The following HDX variants were observed in gnomAD, a reference collection of about 807,000 sequenced individuals.
The protein encoded by HDX is chromosome X open reading frame 43.
In HDX, 19 loss-of-function variants were observed where a neutral mutation model predicts 45.2. That is an observed-to-expected ratio of 0.42 (90% CI 0.29 to 0.62). The LOEUF is 0.62. Among genes scored for constraint, HDX ranks in the 20% least tolerant of loss-of-function variants. The pLI, the probability that HDX is intolerant of heterozygous loss-of-function variation, is 0.20. For synonymous variants in HDX, 188 were observed against 172.8 expected (o/e 1.09, Z -0.69); for missense variants, 532 against 493.9 (o/e 1.08, Z -0.73).
chrX:84,436,318 A>G (rs889578074), intron 5 of HDX, among the ~76,000 whole-genome samples: 2 of 102,502 alleles, frequency 2.0e-5, no homozygotes, highest in African/African-American at 3.5e-5. Flanking sequence ...TGGGAGATAT[A>G]CCTAATGCTA....
intron 4 of HDX, among the ~76,000 whole-genome samples, chrX:84,464,853 C>T (rs1361255461): frequency 4.5e-5 from 5 of 111,772 alleles, no homozygotes; most frequent in Non-Finnish European, 9.4e-5. Context: ...AGAGCTTCTG[C>T]ACAGCAAAAG....
intron 4 of HDX, among the ~76,000 whole-genome samples, chrX:84,455,776 T>A (rs2040099417): frequency 9.0e-6 from 1 of 111,668 alleles, no homozygotes; most frequent in African/African-American, 3.3e-5. Context: ...AGACATTTAA[T>A]AATCAAGCTC....
intron 4 of HDX, among the ~76,000 whole-genome samples, chrX:84,466,759 A>G (rs1268902243): frequency 8.9e-6 from 1 of 111,802 alleles, no homozygotes; most frequent in Non-Finnish European, 1.9e-5. Flanking sequence ...GCTGTATGGT[A>G]AAGCAGAAAA....
At chrX:84,401,869 G>A (rs151096824) in intron 5 of HDX, among the ~76,000 whole-genome samples, 171 of 111,727 alleles carry the variant, frequency 1.5e-3, no homozygotes, top group African/African-American at 5.2e-3. Context: ...TGAAATACAT[G>A]CAGGCATAAA....
At chrX:84,461,818 A>G (rs1227350246) in intron 4 of HDX, among the ~76,000 whole-genome samples, 1 of 112,386 alleles carries the variant, frequency 8.9e-6, no homozygotes, top group Non-Finnish European at 1.9e-5. Flanking sequence ...ACAACTCTAT[A>G]AGAAAAAAAT....
At chrX:84,421,824 G>A (rs1030622349) in intron 5 of HDX, among the ~76,000 whole-genome samples, 16 of 110,447 alleles carry the variant, frequency 1.4e-4, no homozygotes, top group Non-Finnish European at 2.5e-4. Flanking sequence ...AGACAAAGAA[G>A]GTCACTATAT....
At chrX:84,347,935 A>G (rs1162297067) in intron 6 of HDX, among the ~76,000 whole-genome samples, 1 of 109,410 alleles carries the variant, frequency 9.1e-6, no homozygotes, top group East Asian at 2.9e-4. Context: ...AGTTTTTTTT[A>G]TTGTTTGTTT....
chrX:84,418,227 C>T (rs772724708), intron 5 of HDX, among the ~76,000 whole-genome samples: 23 of 111,526 alleles, frequency 2.1e-4, no homozygotes, highest in Non-Finnish European at 3.6e-4. Context: ...ATCAAATGAA[C>T]GAACTAAATC....
At chrX:84,458,393 T>C (rs1433213293) in intron 4 of HDX, among the ~76,000 whole-genome samples, 5 of 112,125 alleles carry the variant, frequency 4.5e-5, no homozygotes, top group Non-Finnish European at 9.4e-5. Context: ...AGGTGAAATG[T>C]ACCTATGAAC....
intron 4 of HDX, among the ~76,000 whole-genome samples, chrX:84,455,325 A>G (rs2040090382): frequency 8.9e-6 from 1 of 112,102 alleles, no homozygotes; most frequent in Non-Finnish European, 1.9e-5. Context: ...TCAAGATAAC[A>G]CACAGAAGAC....
chrX:84,400,026 A>T (rs766728970), intron 5 of HDX, among the ~76,000 whole-genome samples: 1 of 111,691 alleles, frequency 9.0e-6, no homozygotes, highest in African/African-American at 3.2e-5. Context: ...TTCATGTTAA[A>T]AACTCTTAAT....
chrX:84,368,414 T>G (rs755303726), intron 5 of HDX, among the ~76,000 whole-genome samples: 37 of 111,681 alleles, frequency 3.3e-4, no homozygotes, highest in Non-Finnish European at 6.4e-4. Context: ...TTACAAAATT[T>G]TATGCTCCAT....
At chrX:84,349,401 A>G (rs865780441) in intron 6 of HDX, among the ~76,000 whole-genome samples, 35 of 88,132 alleles carry the variant, frequency 4.0e-4, no homozygotes, top group Non-Finnish European at 5.2e-4. Context: ...TTATATATAT[A>G]TATGTGTGTG....
chrX:84,386,810 T>C (rs1401608946), intron 5 of HDX, among the ~76,000 whole-genome samples: 1 of 112,066 alleles, frequency 8.9e-6, no homozygotes, highest in Non-Finnish European at 1.9e-5. Flanking sequence ...TTTCACAATC[T>C]TTTATATGGA....
intron 5 of HDX, among the ~76,000 whole-genome samples, chrX:84,429,897 A>C (rs755215536): frequency 8.1e-5 from 9 of 110,832 alleles, no homozygotes; most frequent in Non-Finnish European, 1.3e-4. Context: ...GTATATTTAA[A>C]TAGACAAATA....
At chrX:84,433,152 A>G (rs1306914794) in intron 5 of HDX, among the ~76,000 whole-genome samples, 1 of 111,523 alleles carries the variant, frequency 9.0e-6, no homozygotes, top group East Asian at 2.8e-4. Flanking sequence ...TTGCTTTGCT[A>G]TGCAGAGACG....
chrX:84,382,172 T>G (rs1364367600), intron 5 of HDX, among the ~76,000 whole-genome samples: 1 of 111,576 alleles, frequency 9.0e-6, no homozygotes, highest in African/African-American at 3.3e-5. Flanking sequence ...CTAAAGTGGC[T>G]TGTATCCAAA....
chrX:84,327,065 G>C (rs2036729646), intron 9 of HDX, among the ~76,000 whole-genome samples: 1 of 111,894 alleles, frequency 8.9e-6, no homozygotes, highest in African/African-American at 3.2e-5. Flanking sequence ...AAATTACTAA[G>C]ATTGTCTTAA....
At chrX:84,418,449 G>A (rs773306929) in intron 5 of HDX, among the ~76,000 whole-genome samples, 1 of 111,601 alleles carries the variant, frequency 9.0e-6, no homozygotes, top group South Asian at 3.7e-4. Context: ...GTATGTATTA[G>A]GGGGGTACAA....
Sources: allele counts gnomAD v4.1 joint callset (sites outside exome capture counted in the v4.1 genomes callset), GRCh38; gene constraint gnomAD v4.1.1; transcripts MANE v1.5; gene names NCBI Gene and HGNC (gene_info 2026-07-23, HGNC 2026-07-21).